Variants in SLC39A11 observed in about 807,000 individuals in gnomAD.
SLC39A11 encodes solute carrier family 39 member 11.
In SLC39A11, 33 loss-of-function variants were observed where a neutral mutation model predicts 36.1. The observed-to-expected ratio is 0.91, with a 90% confidence interval of 0.69 to 1.22. SLC39A11 has a LOEUF of 1.22. Among genes scored for constraint, SLC39A11 ranks in the 50% most tolerant of loss-of-function variants. The pLI, the probability that SLC39A11 is intolerant of heterozygous loss-of-function variation, is 0.00. For synonymous variants in SLC39A11, 166 were observed against 170.3 expected, an observed-to-expected ratio of 0.97 and a Z score of 0.20; for missense variants, 432 against 430.3, an observed-to-expected ratio of 1.00 and a Z score of -0.03.
At chr17:72,943,884 T>C (rs1403757524) in intron 5 of SLC39A11, among the ~76,000 whole-genome samples, 1 of 152,198 alleles carries the variant, frequency 6.6e-6, no homozygotes, top group Non-Finnish European at 1.5e-5. Flanking sequence ...CCTCAGGTCA[T>C]GTAACCTAAG....
chr17:72,759,116 A>ATAATAATAATAATAAT (rs2075473234), intron 6 of SLC39A11, among the ~76,000 whole-genome samples: 1 of 151,538 alleles, frequency 6.6e-6, no homozygotes, highest in African/African-American at 2.4e-5. Context: ...AATAACAATA[A>ATAATAATAATAATAAT]TAATAATAAT....
intron 5 of SLC39A11, among the ~76,000 whole-genome samples, chr17:72,862,625 G>A (rs2080097321): frequency 6.6e-6 from 1 of 152,180 alleles, no homozygotes; most frequent in Admixed American, 6.5e-5. Flanking sequence ...GCTGCTGAGA[G>A]CTTTGTTTTC....
At chr17:73,062,475 A>AAAAAAAAAAC (rs56021607) in intron 3 of SLC39A11, among the ~76,000 whole-genome samples, 13 of 87,044 alleles carry the variant, frequency 1.5e-4, no homozygotes, top group East Asian at 8.0e-4. Flanking sequence ...AAAAAAAAAA[A>AAAAAAAAAAC]AAACTTTAGG....
intron 3 of SLC39A11, among the ~76,000 whole-genome samples, chr17:73,046,990 G>A (rs1264897945): frequency 6.6e-6 from 1 of 151,246 alleles, no homozygotes; most frequent in Admixed American, 6.6e-5. Context: ...TAGCCTAGTA[G>A]AAAGAAGAAC....
chr17:72,919,032 C>T (rs2083486555), intron 5 of SLC39A11, among the ~76,000 whole-genome samples: 1 of 152,102 alleles, frequency 6.6e-6, no homozygotes, highest in South Asian at 2.1e-4. Context: ...CACTGCACTC[C>T]AGCCTGGGTG....
intron 4 of SLC39A11, among the ~76,000 whole-genome samples, chr17:72,963,988 C>CT (rs960756328): frequency 7.9e-5 from 12 of 152,232 alleles, no homozygotes; most frequent in African/African-American, 1.7e-4. Flanking sequence ...AAGTTTTAGT[C>CT]TTTTTTTGTG....
At chr17:72,893,714 T>A (rs8073395) in intron 5 of SLC39A11, among the ~76,000 whole-genome samples, 1 of 151,926 alleles carries the variant, frequency 6.6e-6, no homozygotes, top group Non-Finnish European at 1.5e-5. Context: ...AAGGTTAGAA[T>A]AAGTTCAAAA....
At chr17:72,696,674 C>T (rs1164069018) in intron 7 of SLC39A11, among the ~76,000 whole-genome samples, 1 of 152,218 alleles carries the variant, frequency 6.6e-6, no homozygotes, top group Non-Finnish European at 1.5e-5. Context: ...CCACACCCCA[C>T]CAGGGAACTT....
chr17:72,827,578 C>T (rs768769807), intron 6 of SLC39A11, among the ~76,000 whole-genome samples: 5 of 152,190 alleles, frequency 3.3e-5, no homozygotes, highest in Non-Finnish European at 7.3e-5. Context: ...TGGCCCACTC[C>T]TCTACCCCAG....
chr17:72,705,308 T>C (rs1215960245), intron 7 of SLC39A11, among the ~76,000 whole-genome samples: 1 of 152,200 alleles, frequency 6.6e-6, no homozygotes, highest in East Asian at 1.9e-4. Flanking sequence ...CCAACCTTTA[T>C]CTTAAAGGAG....
intron 3 of SLC39A11, among the ~76,000 whole-genome samples, chr17:73,075,488 T>C (rs1386612319): frequency 3.0e-4 from 46 of 152,224 alleles, no homozygotes; most frequent in Admixed American, 2.9e-3. Flanking sequence ...CAAAGGCAGC[T>C]GGACCAGACA....
intron 3 of SLC39A11, among the ~76,000 whole-genome samples, chr17:73,065,276 G>C (rs980992000): frequency 3.4e-4 from 51 of 152,106 alleles, no homozygotes; most frequent in Admixed American, 1.5e-3. Context: ...GTGGTGGCAG[G>C]CGCCTGTGAT....
At chr17:72,934,094 T>C (rs1402697586) in intron 5 of SLC39A11, among the ~76,000 whole-genome samples, 1 of 150,432 alleles carries the variant, frequency 6.6e-6, no homozygotes, top group Admixed American at 6.6e-5. Flanking sequence ...TTCAAATAGA[T>C]AGTAGACTTA....
At chr17:72,896,721 G>A (rs548305956) in intron 5 of SLC39A11, among the ~76,000 whole-genome samples, 1 of 151,992 alleles carries the variant, frequency 6.6e-6, no homozygotes, top group African/African-American at 2.4e-5. Context: ...CTGTACCAGG[G>A]AGTGAGGGAA....
intron 7 of SLC39A11, among the ~76,000 whole-genome samples, chr17:72,689,246 C>T (rs147236277): frequency 1.2e-4 from 18 of 152,340 alleles, no homozygotes; most frequent in South Asian, 8.3e-4. Context: ...ATCTCACCTC[C>T]GCTCACTCTC....
At chr17:72,994,674 T>C (rs570780762) in intron 4 of SLC39A11, among the ~76,000 whole-genome samples, 1 of 152,338 alleles carries the variant, frequency 6.6e-6, no homozygotes, top group South Asian at 2.1e-4. Flanking sequence ...TCCAGCCTAC[T>C]TTAAGTAGAA....
chr17:72,789,424 A>G (rs558721267), intron 6 of SLC39A11, among the ~76,000 whole-genome samples: 6 of 152,354 alleles, frequency 3.9e-5, no homozygotes, highest in Middle Eastern at 3.4e-3. Context: ...TTCAAGTCAA[A>G]GAAGTACTTG....
intron 3 of SLC39A11, among the ~76,000 whole-genome samples, chr17:73,057,378 G>C (rs2059701540): frequency 6.6e-6 from 1 of 152,190 alleles, no homozygotes; most frequent in Non-Finnish European, 1.5e-5. Flanking sequence ...GTGACTCATT[G>C]ATGAGAAAAA....
At chr17:72,891,929 T>C (rs1296638084) in intron 5 of SLC39A11, among the ~76,000 whole-genome samples, 2 of 152,182 alleles carry the variant, frequency 1.3e-5, no homozygotes, top group Admixed American at 6.5e-5. Flanking sequence ...TTCTGTGCTA[T>C]GCACTTCTGC....
Sources: allele counts gnomAD v4.1 joint callset (sites outside exome capture counted in the v4.1 genomes callset), GRCh38; gene constraint gnomAD v4.1.1; transcripts MANE v1.5; gene names NCBI Gene and HGNC (gene_info 2026-07-23, HGNC 2026-07-21).